XKR6: variants seen among roughly 807,000 people sequenced by gnomAD.
XKR6 encodes XK-related protein 6.
XKR6 carries 22 observed loss-of-function variants against 56.7 expected under a neutral mutation model. The ratio of observed to expected loss-of-function variants is 0.39; its 90% CI spans 0.28 to 0.55. XKR6 has a LOEUF of 0.55. Among genes scored for constraint, XKR6 ranks in the 20% least tolerant of loss-of-function variants. The pLI is 0.66. For missense variants in XKR6, 852 were observed against 889.0 expected (o/e 0.96, Z 0.53); for synonymous variants, 524 against 387.8 (o/e 1.35, Z -4.13).
intron 1 of XKR6, among the ~76,000 whole-genome samples, chr8:11,197,840 G>A (rs1355364148): frequency 6.6e-6 from 1 of 150,862 alleles, no homozygotes; most frequent in Admixed American, 6.6e-5. Context: ...CTTTAATATC[G>A]AGGGAAACTA....
intron 1 of XKR6, among the ~76,000 whole-genome samples, chr8:10,967,244 T>G (rs1283710393): frequency 6.6e-6 from 1 of 152,190 alleles, no homozygotes; most frequent in African/African-American, 2.4e-5. Flanking sequence ...GTTCACTATG[T>G]AAACTAGGCA....
chr8:10,982,295 GT>G (rs1797753695), intron 1 of XKR6, among the ~76,000 whole-genome samples: 3 of 152,186 alleles, frequency 2.0e-5, no homozygotes, highest in Non-Finnish European at 4.4e-5. Flanking sequence ...GAAAGATACG[GT>G]TTCTCAAGAA....
At chr8:11,065,126 T>G (rs567746925) in intron 1 of XKR6, among the ~76,000 whole-genome samples, 4 of 152,324 alleles carry the variant, frequency 2.6e-5, no homozygotes, top group Admixed American at 2.6e-4. Context: ...GAAGACTGAC[T>G]ATAACTTTCT....
chr8:10,920,472 T>A (rs1800677558), intron 2 of XKR6, among the ~76,000 whole-genome samples: 1 of 152,228 alleles, frequency 6.6e-6, no homozygotes, highest in African/African-American at 2.4e-5. Flanking sequence ...CACCCCAGCT[T>A]TCTACGCTGC....
At position 11,177,216 on chromosome 8, in the gene XKR6, A is replaced by G. The variant is rs556016924; in HGVS notation, c.764+23360T>C. Among the ~76,000 whole-genome samples, 17 of 152,342 alleles carry G rather than the reference A, an allele frequency of 1.1e-4. No individual in the cohort carries two copies. In the South Asian group the frequency reaches 3.5e-3, roughly 32 times the overall value. Reference sequence around the variant, plus strand: ...TGCAACAGGCTGTGTAACCTCCCACAGCTACAAAGACTCTTTCCTGCTCTC... The same window carrying G: ...TGCAACAGGCTGTGTAACCTCCCACGGCTACAAAGACTCTTTCCTGCTCTC... On this transcript the variant is annotated intron_variant, in intron 1 of 2. Transcript: ENST00000416569.
intron 1 of XKR6, among the ~76,000 whole-genome samples, chr8:11,004,906 G>A (rs776461584): frequency 2.6e-5 from 4 of 152,146 alleles, no homozygotes; most frequent in Non-Finnish European, 4.4e-5. Flanking sequence ...GAACCTTGCA[G>A]ACCTTATGCT....
chr8:11,200,785 C>T lies in XKR6; in HGVS notation c.555G>A (p.Val185=), dbSNP rs1472691580. 3 of 1,608,542 alleles carry T rather than the reference C, an allele frequency of 1.9e-6. No homozygotes were observed. In the South Asian group the frequency reaches 3.3e-5, roughly 18 times the overall value. The change falls in exon 1 of 3, where the codon GTG becomes GTA. Residue 185 remains valine, a synonymous_variant. Transcript: ENST00000416569. The surrounding 1 kb of genome is among the most constrained non-coding windows in gnomAD (Gnocchi z 6.4). ...CCAGCCCGCCGCCCGTGTAGTCCTG[C>T]ACGAACCAGCGGAAGCTCAGGCTCT... is the stretch of plus-strand genomic sequence containing the variant. The part of the protein sequence containing the change: ...LVQSLSFRWF[V]QDYTGGGLGA...
intron 1 of XKR6, among the ~76,000 whole-genome samples, chr8:11,162,212 A>G (rs1048574897): frequency 2.6e-5 from 4 of 152,250 alleles, no homozygotes; most frequent in Admixed American, 1.3e-4. Flanking sequence ...AGGTAGAGAA[A>G]GCTGGGAAAG....
At chr8:11,044,135 A>G (rs960638822) in intron 1 of XKR6, among the ~76,000 whole-genome samples, 4 of 152,170 alleles carry the variant, frequency 2.6e-5, no homozygotes, top group Admixed American at 6.5e-5. Flanking sequence ...TGATAAGACC[A>G]CTGACCGTGG....
At chr8:11,036,662 G>A (rs760662275) in intron 1 of XKR6, among the ~76,000 whole-genome samples, 1 of 152,240 alleles carries the variant, frequency 6.6e-6, no homozygotes, top group Non-Finnish European at 1.5e-5. Context: ...AGAGTTGGGG[G>A]TGAGTGTTCT....
chr8:11,010,790 CT>C (rs1798483069), intron 1 of XKR6, among the ~76,000 whole-genome samples: 1 of 147,916 alleles, frequency 6.8e-6, no homozygotes, highest in African/African-American at 2.5e-5. Context: ...TTTTTTTTTC[CT>C]GTCATGACAT....
chr8:10,958,244 C>G (rs10111950), intron 1 of XKR6, among the ~76,000 whole-genome samples: 86,579 of 152,200 alleles, frequency 0.57, 27,217 homozygotes, highest in African/African-American at 0.83. Context: ...AAGTCATCTG[C>G]AGAAGGAACG....
At chr8:10,984,855 A>G (rs1188215687) in intron 1 of XKR6, among the ~76,000 whole-genome samples, 1 of 151,308 alleles carries the variant, frequency 6.6e-6, no homozygotes. Context: ...AAGTCCCAAC[A>G]TTGTAAAGTT....
chr8:11,188,043 C>T (rs1803366807), intron 1 of XKR6, among the ~76,000 whole-genome samples: 1 of 151,880 alleles, frequency 6.6e-6, no homozygotes, highest in African/African-American at 2.4e-5. Flanking sequence ...TTTTCTACAG[C>T]CCTGTTATTT....
chr8:11,044,769 C>G (rs1310206715), intron 1 of XKR6, among the ~76,000 whole-genome samples: 1 of 151,874 alleles, frequency 6.6e-6, no homozygotes, highest in Non-Finnish European at 1.5e-5. Context: ...CAGGCGAATG[C>G]CACCACTCTG....
At chr8:11,064,114 G>A (rs914251112) in intron 1 of XKR6, among the ~76,000 whole-genome samples, 7 of 152,008 alleles carry the variant, frequency 4.6e-5, no homozygotes, top group Middle Eastern at 3.4e-3. Context: ...GCTTTCCTGC[G>A]TCCTACAGTC....
At chr8:11,061,403 G>C (rs1394463457) in intron 1 of XKR6, among the ~76,000 whole-genome samples, 1 of 151,916 alleles carries the variant, frequency 6.6e-6, no homozygotes, top group Non-Finnish European at 1.5e-5. Flanking sequence ...GGAGGCTGAG[G>C]ATGCAGTGAG....
intron 1 of XKR6, among the ~76,000 whole-genome samples, chr8:11,191,437 G>A (rs986332046): frequency 9.2e-5 from 14 of 152,152 alleles, no homozygotes; most frequent in Non-Finnish European, 1.9e-4. Context: ...TCTGGCAGTC[G>A]CAACCTTAAC....
intron 1 of XKR6, among the ~76,000 whole-genome samples, chr8:11,139,930 T>A (rs942501179): frequency 8.6e-5 from 13 of 152,040 alleles, no homozygotes; most frequent in African/African-American, 3.1e-4. Context: ...AGCTAAAGTA[T>A]GTGAAAATGA....
Sources: allele counts gnomAD v4.1 joint callset (sites outside exome capture counted in the v4.1 genomes callset), GRCh38; gene constraint gnomAD v4.1.1; non-coding constraint Gnocchi (gnomAD v3.1); transcripts MANE v1.5; gene names NCBI Gene and HGNC (gene_info 2026-07-23, HGNC 2026-07-21).